Variants in KCNN2 observed in about 807,000 individuals in gnomAD.
KCNN2 encodes small conductance calcium-activated potassium channel protein 2.
A neutral mutation model predicts 55.5 loss-of-function variants in KCNN2; 24 were observed. The observed-to-expected ratio is 0.43, with a 90% CI of 0.31 to 0.61. KCNN2 has a LOEUF of 0.61. KCNN2 is among the 20% of genes least tolerant of loss of function. The probability of loss-of-function intolerance (pLI) is 0.08; values close to 1 mark genes in which losing one functional copy is unlikely to be tolerated. For missense variants in KCNN2, 754 were observed against 853.6 expected (o/e 0.88, Z 1.45); for synonymous variants, 431 against 336.1 (o/e 1.28, Z -3.09).
intron 2 of KCNN2, among the ~76,000 whole-genome samples, chr5:114,307,879 T>C (rs1756315655): frequency 6.6e-6 from 1 of 152,088 alleles, no homozygotes; most frequent in Non-Finnish European, 1.5e-5. Flanking sequence ...GCCAGGACTT[T>C]GAACATCAGC....
intron 2 of KCNN2, among the ~76,000 whole-genome samples, chr5:114,225,778 C>T (rs1038465877): frequency 6.6e-5 from 10 of 152,232 alleles, no homozygotes; most frequent in Admixed American, 5.2e-4. Flanking sequence ...TGATTTTGAA[C>T]CTAAATCCTT....
At chr5:114,147,736 T>C (rs1214963509) in intron 1 of KCNN2, among the ~76,000 whole-genome samples, 1 of 152,218 alleles carries the variant, frequency 6.6e-6, no homozygotes, top group Admixed American at 6.5e-5. Flanking sequence ...TGGTCTGAGA[T>C]AATTGATGTC....
chr5:114,464,414 G>C (rs1280141286), intron 4 of KCNN2, among the ~76,000 whole-genome samples: 1 of 152,186 alleles, frequency 6.6e-6, no homozygotes, highest in African/African-American at 2.4e-5. Flanking sequence ...CAGAATTTCT[G>C]AAATCAGGTA....
At chr5:114,387,064 C>T (rs1758311336) in intron 2 of KCNN2, among the ~76,000 whole-genome samples, 1 of 152,104 alleles carries the variant, frequency 6.6e-6, no homozygotes, top group Non-Finnish European at 1.5e-5. Context: ...GTAAAGAAAA[C>T]CTAACTTCAT....
At chr5:114,317,553 G>A (rs1274313873) in intron 2 of KCNN2, among the ~76,000 whole-genome samples, 1 of 152,102 alleles carries the variant, frequency 6.6e-6, no homozygotes, top group Non-Finnish European at 1.5e-5. Context: ...ACCTCTTTCT[G>A]ACTTACATTT....
intron 2 of KCNN2, among the ~76,000 whole-genome samples, chr5:114,241,697 T>C (rs1208245678): frequency 4.7e-5 from 4 of 85,778 alleles, no homozygotes; most frequent in Admixed American, 1.2e-4. Context: ...TACGAGAATA[T>C]ATATGTGGAT....
intron 2 of KCNN2, among the ~76,000 whole-genome samples, chr5:114,366,639 C>G (rs1381532726): frequency 6.6e-6 from 1 of 152,058 alleles, no homozygotes; most frequent in African/African-American, 2.4e-5. Flanking sequence ...ATACCTTATT[C>G]TGAAACACAA....
At chr5:114,182,842 T>G (rs1276724056) in intron 1 of KCNN2, among the ~76,000 whole-genome samples, 1 of 152,166 alleles carries the variant, frequency 6.6e-6, no homozygotes, top group Non-Finnish European at 1.5e-5. Flanking sequence ...TATTTCTGTT[T>G]GCTTGCATTT....
chr5:114,105,439 T>A (rs1751465099), intron 1 of KCNN2, among the ~76,000 whole-genome samples: 1 of 152,084 alleles, frequency 6.6e-6, no homozygotes, highest in Non-Finnish European at 1.5e-5. Context: ...GTATTCTTCC[T>A]GTTAGTAGTC....
Position 114,234,460 on chromosome 5 carries a change from A to G in KCNN2, c.-185+12895A>G, listed in dbSNP as rs73260041. Among the ~76,000 whole-genome samples the G allele has an allele frequency of 7.7e-3, 1,165 of 152,190 alleles. 15 individuals are homozygous for G. The highest frequency in any genetic ancestry group is 0.026 in the African/African-American group (1,062 of 41,526). On this transcript the variant is annotated intron_variant, in intron 2 of 10. Coordinates refer to the KCNN2 transcript ENST00000512097. ...GTATATTCTTCTTTGCTCATGTGCCATTTTTCTTTGTTCTCAAGGGCCTTG... is the reference window on the plus strand; with the variant it reads ...GTATATTCTTCTTTGCTCATGTGCCGTTTTTCTTTGTTCTCAAGGGCCTTG...
At chr5:114,057,022 C>T (rs2632149) in intron 1 of KCNN2, 132,027 of 152,134 alleles carry the variant, frequency 0.87, 57,363 homozygotes, top group East Asian at 0.93. Flanking sequence ...CTTCTTCAAG[C>T]TGGGGGTGAC....
At chr5:114,215,245 G>A (rs990603367) in intron 1 of KCNN2, among the ~76,000 whole-genome samples, 2 of 152,102 alleles carry the variant, frequency 1.3e-5, no homozygotes, top group African/African-American at 2.4e-5. Context: ...CTGTAACCAG[G>A]ATCCAAAGCT....
chr5:114,168,622 G>T (rs560791025), intron 1 of KCNN2, among the ~76,000 whole-genome samples: 2 of 151,964 alleles, frequency 1.3e-5, no homozygotes, highest in Non-Finnish European at 2.9e-5. Flanking sequence ...ATATGGTCAG[G>T]ATATTTTACT....
At chr5:114,183,270 A>T (rs1228813143) in intron 1 of KCNN2, among the ~76,000 whole-genome samples, 1 of 152,098 alleles carries the variant, frequency 6.6e-6, no homozygotes, top group African/African-American at 2.4e-5. Flanking sequence ...AATATCTTAA[A>T]GACTTTTTCT....
At chr5:114,379,447 TATA>T (rs1758036412) in intron 2 of KCNN2, among the ~76,000 whole-genome samples, 6 of 136,616 alleles carry the variant, frequency 4.4e-5, no homozygotes, top group South Asian at 2.2e-4. Flanking sequence ...ATTATATATT[TATA>T]GAATATATTA....
chr5:114,113,764 G>C (rs1189098249), intron 1 of KCNN2, among the ~76,000 whole-genome samples: 3 of 152,094 alleles, frequency 2.0e-5, no homozygotes, highest in Non-Finnish European at 2.9e-5. Flanking sequence ...AGGCTTGGTT[G>C]TGCAGGTTCA....
At chr5:114,262,248 C>T (rs1755123825) in intron 2 of KCNN2, among the ~76,000 whole-genome samples, 1 of 152,188 alleles carries the variant, frequency 6.6e-6, no homozygotes, top group Admixed American at 6.5e-5. Flanking sequence ...CAGTCTTCTT[C>T]CATTAATGGC....
intron 2 of KCNN2, among the ~76,000 whole-genome samples, chr5:114,338,254 AG>A (rs1561576501): frequency 6.6e-6 from 1 of 152,240 alleles, no homozygotes; most frequent in Non-Finnish European, 1.5e-5. Context: ...TGGAGCTAAG[AG>A]GACTTGAATT....
At chr5:114,196,595 C>G (rs568656357) in intron 1 of KCNN2, among the ~76,000 whole-genome samples, 4 of 151,766 alleles carry the variant, frequency 2.6e-5, no homozygotes, top group African/African-American at 9.7e-5. Flanking sequence ...TTGTTTCTTT[C>G]TAGGAATTTG....
Sources: allele counts gnomAD v4.1 joint callset (sites outside exome capture counted in the v4.1 genomes callset), GRCh38; gene constraint gnomAD v4.1.1; transcripts MANE v1.5; gene names NCBI Gene and HGNC (gene_info 2026-07-23, HGNC 2026-07-21).